Variants in ABCD2 observed in about 807,000 individuals in gnomAD.
ABCD2 encodes ATP binding cassette subfamily D member 2, also known as ATP-binding cassette sub-family D member 2.
A neutral mutation model predicts 70.9 loss-of-function variants in ABCD2; 36 were observed. The ratio of observed to expected loss-of-function variants is 0.51; its 90% CI spans 0.39 to 0.67. The LOEUF (loss-of-function observed/expected upper bound fraction) is 0.67. ABCD2 is among the 30% of genes least tolerant of loss of function. ABCD2 has a pLI of 0.00. For missense variants in ABCD2, 729 were observed against 890.2 expected, an observed-to-expected ratio of 0.82 and a Z score of 2.30; for synonymous variants, 304 against 306.9, an observed-to-expected ratio of 0.99 and a Z score of 0.10.
At chr12:39,542,378 G>A in the ABCD2 span, among the ~76,000 whole-genome samples, 2 of 151,364 alleles carry the variant, frequency 1.3e-5, no homozygotes, top group Non-Finnish European at 2.9e-5. Flanking sequence ...CAAGAGAATC[G>A]CTTGAACCCG....
chr12:39,531,825 T>A, the ABCD2 span, among the ~76,000 whole-genome samples: 1 of 152,260 alleles, frequency 6.6e-6, no homozygotes, highest in East Asian at 1.9e-4. Flanking sequence ...CTAGTCTTTG[T>A]GACAACCCCA....
chr12:39,609,422 G>A (rs888512686), intron 2 of ABCD2, among the ~76,000 whole-genome samples: 15 of 152,136 alleles, frequency 9.9e-5, no homozygotes, highest in South Asian at 2.1e-4. Context: ...CGAATAAAGC[G>A]TTAGTGCAAT....
chr12:39,558,075 G>T (rs1231270346), intron 9 of ABCD2, among the ~76,000 whole-genome samples: 2 of 152,220 alleles, frequency 1.3e-5, no homozygotes, highest in African/African-American at 2.4e-5. Context: ...GCCCATGAAA[G>T]CAGCCATACC....
the ABCD2 span, among the ~76,000 whole-genome samples, chr12:39,532,829 A>G: frequency 6.6e-6 from 1 of 152,194 alleles, no homozygotes; most frequent in Non-Finnish European, 1.5e-5. Flanking sequence ...TATGTGGAGT[A>G]AACAGAAGTA....
the ABCD2 span, among the ~76,000 whole-genome samples, chr12:39,535,318 G>A: frequency 1.3e-5 from 2 of 152,038 alleles, no homozygotes; most frequent in Admixed American, 1.3e-4. Flanking sequence ...ACACAAACAG[G>A]TAATTGTTAT....
intron 6 of ABCD2, among the ~76,000 whole-genome samples, chr12:39,592,302 G>C (rs560701608): frequency 1.3e-5 from 2 of 152,298 alleles, no homozygotes; most frequent in East Asian, 1.9e-4. Context: ...CCATCATAAA[G>C]AGAATTTTGC....
At chr12:39,601,458 T>C (rs1192865539) in intron 5 of ABCD2, among the ~76,000 whole-genome samples, 1 of 151,944 alleles carries the variant, frequency 6.6e-6, no homozygotes, top group Non-Finnish European at 1.5e-5. Context: ...TTCCCTTTAT[T>C]TTCTATCCTA....
intron 7 of ABCD2, among the ~76,000 whole-genome samples, chr12:39,585,535 A>G (rs1941652362): frequency 6.6e-6 from 1 of 151,924 alleles, no homozygotes; most frequent in Admixed American, 6.6e-5. Context: ...TATCTAGTTA[A>G]AGTGTGATTA....
At chr12:39,534,747 G>A in the ABCD2 span, among the ~76,000 whole-genome samples, 4 of 84,890 alleles carry the variant, frequency 4.7e-5, no homozygotes, top group Non-Finnish European at 6.8e-5. Context: ...AAGGAAGGAA[G>A]GAAAGAAAGA....
intron 1 of ABCD2, among the ~76,000 whole-genome samples, 163 bp from the exon 2 acceptor site, chr12:39,617,331 A>G (rs1447682507): frequency 6.6e-6 from 1 of 152,086 alleles, no homozygotes; most frequent in Non-Finnish European, 1.5e-5. Context: ...TATTTTTAAA[A>G]GTTTATGCTA....
At chr12:39,560,905 G>A (rs112453732) in intron 9 of ABCD2, among the ~76,000 whole-genome samples, 2,243 of 151,902 alleles carry the variant, frequency 0.015, 62 homozygotes, top group African/African-American at 0.049. Flanking sequence ...TGTAGTAGAC[G>A]CACTAAAAAT....
chr12:39,576,228 C>T (rs1941514217), intron 8 of ABCD2, among the ~76,000 whole-genome samples: 1 of 152,286 alleles, frequency 6.6e-6, no homozygotes, highest in Middle Eastern at 3.4e-3. Context: ...GGCACCATCT[C>T]GGCTCACTGC....
chr12:39,550,952 T>C lies in ABCD2; in HGVS notation c.*2960A>G, dbSNP rs1941079518. 6.6e-6 allele frequency: 1 copy of C among 151,750 alleles called. No homozygotes were observed. Among genetic ancestry groups the C allele is most frequent in the Admixed American group, 6.6e-5 (1 of 15,210 alleles). The allele number at this position is 151,750 out of a possible 1,614,324, so 9.4% of individuals were successfully genotyped here. ...AATATGAAACTATACTTGGAACCAA[T>C]GTTTCAAATAAAAACTAGGATATTC... On this transcript the variant is annotated 3_prime_UTR_variant, in exon 10 of 10. Coordinates refer to ENST00000308666, the MANE Select transcript of ABCD2 (RefSeq NM_005164.4).
intron 9 of ABCD2, among the ~76,000 whole-genome samples, chr12:39,566,164 C>T (rs537053331): frequency 1.0e-3 from 154 of 152,248 alleles, no homozygotes; most frequent in African/African-American, 3.1e-3. Flanking sequence ...AGGGAGGATT[C>T]GCTCTTTTTC....
At chr12:39,554,412 A>G (rs934382390) in intron 9 of ABCD2, among the ~76,000 whole-genome samples, 1 of 152,118 alleles carries the variant, frequency 6.6e-6, no homozygotes, top group Non-Finnish European at 1.5e-5. Context: ...TTTCTTCATA[A>G]CTCAATTTGG....
the ABCD2 span, among the ~76,000 whole-genome samples, chr12:39,539,034 C>T: frequency 6.6e-6 from 1 of 152,196 alleles, no homozygotes; most frequent in African/African-American, 2.4e-5. Context: ...TCCACACCAC[C>T]TCGTGTTGTC....
chr12:39,583,507 GTTTTA>G (rs1419868691), intron 7 of ABCD2, among the ~76,000 whole-genome samples: 7 of 152,018 alleles, frequency 4.6e-5, no homozygotes, highest in South Asian at 2.1e-4. Flanking sequence ...ATAATTTTTT[GTTTTA>G]TTTTATTTTA....
chr12:39,605,295 G>A (rs1941954483), intron 3 of ABCD2, among the ~76,000 whole-genome samples: 1 of 151,632 alleles, frequency 6.6e-6, no homozygotes, highest in Non-Finnish European at 1.5e-5. Context: ...TTTTATTTTT[G>A]GTACCTTTTT....
intron 7 of ABCD2, among the ~76,000 whole-genome samples, chr12:39,582,494 C>A (rs1046000748): frequency 1.3e-5 from 2 of 152,104 alleles, no homozygotes; most frequent in Non-Finnish European, 2.9e-5. Context: ...AGTTCTAGAC[C>A]TTCCTGATGA....
Sources: gnomAD v4.1 joint callset for allele counts (sites outside exome capture counted in the v4.1 genomes callset) on GRCh38, gnomAD v4.1.1 for gene constraint, MANE v1.5 for transcripts, NCBI Gene and HGNC (gene_info 2026-07-23, HGNC 2026-07-21) for gene names.